The following AGAP1 variants were observed in gnomAD, a reference collection of about 807,000 sequenced individuals.
The protein encoded by AGAP1 is arf-GAP with GTPase, ANK repeat and PH domain-containing protein 1.
A neutral mutation model predicts 105.3 loss-of-function variants in AGAP1; 29 were observed. The observed-to-expected ratio is 0.28, with a 90% confidence interval of 0.21 to 0.38. The LOEUF is 0.38. Ranked by LOEUF, AGAP1 falls within the 10% of genes least tolerant of loss-of-function variation. AGAP1 has a pLI of 1.00. For synonymous variants in AGAP1, 509 were observed against 485.9 expected, an observed-to-expected ratio of 1.05 and a Z score of -0.63; for missense variants, 998 against 1,165.1, an observed-to-expected ratio of 0.86 and a Z score of 2.09.
chr2:235,974,573 A>G (rs1175815206), intron 13 of AGAP1, among the ~76,000 whole-genome samples: 1 of 152,148 alleles, frequency 6.6e-6, no homozygotes, highest in Non-Finnish European at 1.5e-5. Flanking sequence ...TCTTTATCGC[A>G]CCATTGTGTG....
chr2:235,696,695 C>T (rs566376661), intron 1 of AGAP1, among the ~76,000 whole-genome samples: 1 of 152,204 alleles, frequency 6.6e-6, no homozygotes, highest in African/African-American at 2.4e-5. Context: ...ATCGCTGCCC[C>T]TTTCCCATGC....
At chr2:235,811,165 G>C (rs980903687) in intron 9 of AGAP1, among the ~76,000 whole-genome samples, 4 of 152,062 alleles carry the variant, frequency 2.6e-5, no homozygotes, top group African/African-American at 4.8e-5. Flanking sequence ...TTTCTCTTTA[G>C]CATTTTTTAA....
chr2:235,577,826 C>T lies in AGAP1; in HGVS notation c.163+82977C>T, dbSNP rs1944785175. Among the ~76,000 whole-genome samples, 1 of 152,084 alleles carries T rather than the reference C, an allele frequency of 6.6e-6. No individual in the cohort carries two copies. Among genetic ancestry groups the T allele is most frequent in the Non-Finnish European group, 1.5e-5 (1 of 68,030 alleles). On this transcript the variant is annotated intron_variant, in intron 1 of 17. Transcript: ENST00000304032. This position sits in a 1 kb window ranked among gnomAD's most constrained non-coding sequence, Gnocchi z 4.5. ...AAATGTAATCCCTCCTTCAGCGCTG[C>T]ACAAAAGGCCCATGTCTGCTCGCTG...
chr2:235,729,493 G>A lies in AGAP1; in HGVS notation c.311-11470G>A, dbSNP rs1038300647. Among the ~76,000 whole-genome samples, 2 of 152,162 alleles carry A rather than the reference G, an allele frequency of 1.3e-5. No individual in the cohort carries two copies. The highest frequency in any genetic ancestry group is 2.9e-5 in the Non-Finnish European group (2 of 68,036). ...TGACCCCCTCCCCCAGGAGGATGCT[G>A]TAGGGGCAGTCTCACGGCGGTCTCA... On this transcript the variant is annotated intron_variant, in intron 3 of 17. Transcript: ENST00000304032. This position sits in a 1 kb window ranked among gnomAD's most constrained non-coding sequence, Gnocchi z 5.0.
At position 235,989,254 on chromosome 2, in the gene AGAP1, G is replaced by T. The variant is rs148958653; in HGVS notation, c.1645+20631G>T. On this transcript the variant is annotated intron_variant, in intron 13 of 17. Coordinates refer to ENST00000304032, the MANE Select transcript of AGAP1 (RefSeq NM_001037131.3). The surrounding 1 kb of genome is among the most constrained non-coding windows in gnomAD (Gnocchi z 4.4). Reference sequence around the variant, plus strand: ...CTGCTGACAGGTATTTATTGACCAGGTACTGTGTAGAGGTCGCTGCTGCGT... The same window carrying T: ...CTGCTGACAGGTATTTATTGACCAGTTACTGTGTAGAGGTCGCTGCTGCGT... 2.6e-5 allele frequency among the ~76,000 whole-genome samples: 4 copies of T among 152,160 alleles called. No individual in the cohort carries two copies. Among genetic ancestry groups the T allele is most frequent in the African/African-American group, 4.8e-5 (2 of 41,434 alleles).
At chr2:235,770,572 T>C (rs1028748735) in intron 6 of AGAP1, among the ~76,000 whole-genome samples, 1 of 152,142 alleles carries the variant, frequency 6.6e-6, no homozygotes, top group Non-Finnish European at 1.5e-5. Context: ...GCATTGCCCA[T>C]GATGGATATT....
Position 235,965,106 on chromosome 2 carries a change from C to T in AGAP1, c.1484-3356C>T, listed in dbSNP as rs2054337860. ...CCAAGGAGGTTTACCAGATGTCCAC[C>T]GTGGAAAGCAAGTGTTGGGCAGAAG... On this transcript the variant is annotated intron_variant, in intron 12 of 17. Coordinates refer to ENST00000304032, the MANE Select transcript of AGAP1 (RefSeq NM_001037131.3). The surrounding 1 kb of genome is among the most constrained non-coding windows in gnomAD (Gnocchi z 5.8). Among the ~76,000 whole-genome samples, 1 of 152,188 alleles carries T rather than the reference C, an allele frequency of 6.6e-6. No individual in the cohort carries two copies. The highest frequency in any genetic ancestry group is 2.1e-4 in the South Asian group (1 of 4,828).
intron 1 of AGAP1, among the ~76,000 whole-genome samples, chr2:235,520,925 C>A (rs1334126173): frequency 6.6e-6 from 1 of 152,146 alleles, no homozygotes. Flanking sequence ...TTTCAGGAAG[C>A]CTTCTGTGTT....
chr2:235,529,226 T>C (rs1464795740), intron 1 of AGAP1, among the ~76,000 whole-genome samples: 2 of 152,216 alleles, frequency 1.3e-5, no homozygotes, highest in African/African-American at 2.4e-5. Context: ...GGAAAGTTGA[T>C]CTCAGTCCTT....
rs569220356 is a variant in AGAP1, at chr2:236,129,544, G to A, written c.*5422G>A. On this transcript the variant is annotated 3_prime_UTR_variant, in exon 18 of 18. Coordinates refer to ENST00000304032, the MANE Select transcript of AGAP1 (RefSeq NM_001037131.3). The surrounding 1 kb of genome is among the most constrained non-coding windows in gnomAD (Gnocchi z 6.2). ...CTGCGCTGTCTGTGATTAGAGAGAA[G>A]TGGCCAGTGTCCCGTCTGTGATTAG... 1.2e-3 allele frequency: 188 copies of A among 152,298 alleles called. No homozygotes were observed. The highest frequency in any genetic ancestry group is 4.5e-3 in the African/African-American group (185 of 41,552). 9.4% of individuals were successfully genotyped at this position (152,298 alleles called of 1,614,324 possible). A position where few individuals can be genotyped will look rare whatever the true frequency, so the allele number is the denominator to read the frequency against.
intron 15 of AGAP1, among the ~76,000 whole-genome samples, chr2:236,041,498 G>A (rs1048843565): frequency 3.9e-5 from 6 of 151,946 alleles, no homozygotes; most frequent in African/African-American, 7.2e-5. Context: ...CATGATTTCC[G>A]TTGTCTAATC....
rs941466387 is a variant in AGAP1, at chr2:235,887,845, G to T, written c.1155+4396G>T. On this transcript the variant is annotated intron_variant, in intron 10 of 17. Coordinates refer to ENST00000304032, the MANE Select transcript of AGAP1 (RefSeq NM_001037131.3). The surrounding 1 kb of genome is among the most constrained non-coding windows in gnomAD (Gnocchi z 4.1). Reference sequence around the variant, plus strand: ...TTTTGGGGAGACGGGATTCTAATCAGCTAATACTTCTATTATGGGGTGCTG... The same window carrying T: ...TTTTGGGGAGACGGGATTCTAATCATCTAATACTTCTATTATGGGGTGCTG... Among the ~76,000 whole-genome samples, 1 of 152,200 alleles carries T rather than the reference G, an allele frequency of 6.6e-6. No homozygotes were observed. Among genetic ancestry groups the T allele is most frequent in the African/African-American group, 2.4e-5 (1 of 41,442 alleles).
At chr2:235,868,770 A>G (rs2049303223) in intron 9 of AGAP1, among the ~76,000 whole-genome samples, 1 of 152,246 alleles carries the variant, frequency 6.6e-6, no homozygotes, top group Admixed American at 6.5e-5. Flanking sequence ...GATAGCACTT[A>G]CATTCATGAC....
chr2:235,585,832 C>T (rs1234122255), intron 1 of AGAP1, among the ~76,000 whole-genome samples: 2 of 152,126 alleles, frequency 1.3e-5, no homozygotes, highest in Non-Finnish European at 2.9e-5. Context: ...CATTATTTTG[C>T]GCGGACCCGA....
intron 9 of AGAP1, among the ~76,000 whole-genome samples, chr2:235,881,536 CAG>C (rs938778431): frequency 2.6e-5 from 4 of 152,092 alleles, no homozygotes; most frequent in African/African-American, 9.7e-5. Flanking sequence ...TAACATGGGC[CAG>C]AGTTAGATGA....
Position 235,744,133 on chromosome 2 carries a change from C to G in AGAP1, c.397-565C>G, listed in dbSNP as rs1952747095. Among the ~76,000 whole-genome samples the G allele has an allele frequency of 6.6e-6, 1 of 152,206 alleles. No individual in the cohort carries two copies. The highest frequency in any genetic ancestry group is 2.4e-5 in the African/African-American group (1 of 41,450). On this transcript the variant is annotated intron_variant, in intron 4 of 17. Coordinates refer to ENST00000304032, the MANE Select transcript of AGAP1 (RefSeq NM_001037131.3). This position sits in a 1 kb window ranked among gnomAD's most constrained non-coding sequence, Gnocchi z 5.2. The stretch of plus-strand genomic sequence containing the variant: ...TTTCCCTGAAAATAAGTAGTCATTT[C>G]TTTGCAGAGGTGCAGCAGGAGTTCA...
In AGAP1 at chr2:235,908,801, G is replaced by A. The variant is rs768319358; in HGVS notation, c.1219G>A (p.Gly407Arg). ...TCTGAGAACCACTGTGAAAGTCCCA[G>A]GGAAGAGGCCACCCCGAGCCACGTC... ...DLLRTTVKVPGKRPPRATSAC... is the reference protein window; with the variant it reads ...DLLRTTVKVPRKRPPRATSAC... The change falls in exon 11 of 18, where the codon GGG becomes AGG. Residue 407 changes from glycine to arginine, a missense_variant. Gly to Arg is a moderately radical substitution (Grantham distance 125). Around this residue, in one of 3 missense-constraint regions of AGAP1, gnomAD observed 735 missense variants for 833.4 expected, o/e 0.88. Transcript: ENST00000304032. This position sits in a 1 kb window ranked among gnomAD's most constrained non-coding sequence, Gnocchi z 4.4. 1 of 1,613,870 alleles carries A rather than the reference G, an allele frequency of 6.2e-7. No homozygotes were observed. Among genetic ancestry groups the A allele is most frequent in the Non-Finnish European group, 8.5e-7 (1 of 1,179,962 alleles).
intron 1 of AGAP1, among the ~76,000 whole-genome samples, chr2:235,573,029 T>TTCTTC (rs1559258707): frequency 0.011 from 259 of 23,044 alleles, 43 homozygotes; most frequent in African/African-American, 0.095. Flanking sequence ...TTCTTCTTCT[T>TTCTTC]CTTCTTCTTC....
chr2:235,709,533 C>CCA (rs201016012), intron 2 of AGAP1, among the ~76,000 whole-genome samples: 92 of 111,190 alleles, frequency 8.3e-4, no homozygotes, highest in African/African-American at 2.4e-3. Flanking sequence ...GTGTGTGTGT[C>CCA]CACACACACA....
Sources: allele counts gnomAD v4.1 joint callset (sites outside exome capture counted in the v4.1 genomes callset), GRCh38; gene constraint gnomAD v4.1.1; regional missense constraint gnomAD v4.1.1; non-coding constraint Gnocchi (gnomAD v3.1); transcripts MANE v1.5; gene names NCBI Gene and HGNC (gene_info 2026-07-23, HGNC 2026-07-21).